Variants in DLGAP1 observed in about 807,000 individuals in gnomAD.
DLGAP1 encodes the protein disks large-associated protein 1.
In DLGAP1, 11 loss-of-function variants were observed where a neutral mutation model predicts 90.8. That is an observed-to-expected ratio of 0.12 (90% CI 0.08 to 0.20). The LOEUF (loss-of-function observed/expected upper bound fraction) is 0.20, where lower values mean the gene tolerates loss of function less well. DLGAP1 is among the 10% of genes least tolerant of loss of function. The probability of loss-of-function intolerance (pLI) is 1.00; values close to 1 mark genes in which losing one functional copy is unlikely to be tolerated. For missense variants in DLGAP1, 1,050 were observed against 1,333.8 expected (o/e 0.79, Z 3.31); for synonymous variants, 558 against 540.7 (o/e 1.03, Z -0.44).
At chr18:4,241,130 T>G (rs1344809803) in intron 1 of DLGAP1, among the ~76,000 whole-genome samples, 1 of 152,238 alleles carries the variant, frequency 6.6e-6, no homozygotes, top group Non-Finnish European at 1.5e-5. Context: ...ACATCTTTTA[T>G]CACTGCACAA....
intron 2 of DLGAP1, among the ~76,000 whole-genome samples, chr18:4,061,173 A>C (rs556288605): frequency 6.6e-6 from 1 of 152,352 alleles, no homozygotes; most frequent in African/African-American, 2.4e-5. Context: ...AAGAGTTAAC[A>C]GTGTAACATG....
At chr18:3,822,535 TTAAG>T (rs1260825840) in intron 4 of DLGAP1, among the ~76,000 whole-genome samples, 2 of 152,138 alleles carry the variant, frequency 1.3e-5, no homozygotes, top group Non-Finnish European at 2.9e-5. Context: ...AAGAGCAGCT[TTAAG>T]TAAGTCAAGC....
At position 4,148,274 on chromosome 18, in the gene DLGAP1, A is replaced by G. The variant is rs575543285; in HGVS notation, c.-159+2906T>C. ...AAAATCACAGCCCTTACATTTCTAC[A>G]CAATGGGCTAGGCCACTGGTAAGTG... On this transcript the variant is annotated intron_variant, in intron 2 of 12. Transcript: ENST00000315677. Among the ~76,000 whole-genome samples, 9 of 152,360 alleles carry G rather than the reference A, an allele frequency of 5.9e-5. No homozygotes were observed. In the South Asian group the frequency reaches 1.9e-3, roughly 32 times the overall value.
chr18:3,830,092 C>T (rs113674587), intron 4 of DLGAP1, among the ~76,000 whole-genome samples: 10 of 152,320 alleles, frequency 6.6e-5, no homozygotes, highest in Middle Eastern at 3.4e-3. Context: ...CCCACAAAGG[C>T]CATGTAAGCA....
chr18:3,591,920 CAG>C (rs980962002), intron 7 of DLGAP1, among the ~76,000 whole-genome samples: 3 of 152,060 alleles, frequency 2.0e-5, no homozygotes, highest in African/African-American at 7.2e-5. Flanking sequence ...GACCTCATAA[CAG>C]AGGGAGTTCT....
intron 1 of DLGAP1, among the ~76,000 whole-genome samples, chr18:4,182,196 C>T (rs918076967): frequency 3.9e-5 from 6 of 152,104 alleles, no homozygotes; most frequent in African/African-American, 1.4e-4. Flanking sequence ...CCAAATGTGC[C>T]TCTTTGGCAG....
intron 4 of DLGAP1, among the ~76,000 whole-genome samples, chr18:3,877,770 TA>T (rs2071041082): frequency 6.6e-6 from 1 of 152,222 alleles, no homozygotes. Flanking sequence ...TTTCATATGC[TA>T]AGTGGATTAA....
Position 3,756,203 on chromosome 18 carries a change from C to T in DLGAP1, c.1173-13691G>A, listed in dbSNP as rs536600076. 3.4e-4 allele frequency among the ~76,000 whole-genome samples: 52 copies of T among 152,148 alleles called. 1 individual carries two copies. Among genetic ancestry groups the T allele is most frequent in the African/African-American group, 1.1e-3 (46 of 41,516 alleles). The stretch of plus-strand genomic sequence containing the variant: ...TAGCTGGGACTACAGGTGCCCACCA[C>T]GATGCCCGGCTAATCTTTTGTATTT... On this transcript the variant is annotated intron_variant, in intron 5 of 12. Coordinates refer to ENST00000315677, the MANE Select transcript of DLGAP1 (RefSeq NM_004746.4).
chr18:4,025,586 T>C (rs1303104817), intron 2 of DLGAP1, among the ~76,000 whole-genome samples: 1 of 152,180 alleles, frequency 6.6e-6, no homozygotes, highest in Non-Finnish European at 1.5e-5. Flanking sequence ...TTTCTGACTC[T>C]AAAGGCCCTT....
chr18:3,880,155 A>G lies in DLGAP1; in HGVS notation c.-72-15T>C, dbSNP rs149485021. 2.9e-4 allele frequency: 352 copies of G among 1,228,872 alleles called. No individual in the cohort carries two copies. The East Asian group carries it at 7.3e-3, about 25-fold the overall frequency. 76.1% of individuals were successfully genotyped at this position (1,228,872 alleles called of 1,614,324 possible). A position where few individuals can be genotyped will look rare whatever the true frequency, so the allele number is the denominator to read the frequency against. On this transcript the variant is annotated splice_polypyrimidine_tract_variant and intron_variant, in intron 3 of 12. Coordinates refer to ENST00000315677, the MANE Select transcript of DLGAP1 (RefSeq NM_004746.4). ...TGGGCAGGGATCTGGGGGAATGAAG[A>G]AAAGGGCAAAGTCGTTAACATTTCT...
At chr18:3,732,258 A>C (rs2062461912) in intron 6 of DLGAP1, among the ~76,000 whole-genome samples, 1 of 152,236 alleles carries the variant, frequency 6.6e-6, no homozygotes, top group South Asian at 2.1e-4. Flanking sequence ...TCTTTTTGGC[A>C]AGGCTAGAGG....
At chr18:3,906,844 A>T (rs1348231785) in intron 3 of DLGAP1, among the ~76,000 whole-genome samples, 5 of 152,258 alleles carry the variant, frequency 3.3e-5, no homozygotes, top group Non-Finnish European at 7.3e-5. Flanking sequence ...TACGCAAGAA[A>T]GAGAACTTGG....
intron 3 of DLGAP1, among the ~76,000 whole-genome samples, chr18:3,888,621 A>G (rs1279799914): frequency 6.6e-6 from 1 of 152,144 alleles, no homozygotes; most frequent in East Asian, 1.9e-4. Context: ...CAGCACAATT[A>G]CAATCACCTG....
At chr18:3,764,784 T>C (rs2064140639) in intron 5 of DLGAP1, among the ~76,000 whole-genome samples, 2 of 152,200 alleles carry the variant, frequency 1.3e-5, no homozygotes, top group Admixed American at 6.5e-5. Flanking sequence ...TGCAATCATA[T>C]CTGGGTTCCT....
chr18:4,191,131 T>G (rs1031781584), intron 1 of DLGAP1, among the ~76,000 whole-genome samples: 1 of 152,130 alleles, frequency 6.6e-6, no homozygotes, highest in Non-Finnish European at 1.5e-5. Context: ...CTTTAAACAA[T>G]CATTTTGCTA....
At chr18:4,185,417 G>A (rs552863790) in intron 1 of DLGAP1, among the ~76,000 whole-genome samples, 5 of 151,822 alleles carry the variant, frequency 3.3e-5, no homozygotes, top group African/African-American at 9.7e-5. Context: ...TCCAACCCTC[G>A]ACTCCCAAGT....
intron 1 of DLGAP1, among the ~76,000 whole-genome samples, chr18:4,201,940 G>T (rs2144813305): frequency 6.6e-6 from 1 of 152,218 alleles, no homozygotes; most frequent in South Asian, 2.1e-4. Flanking sequence ...ACGGAAAGTA[G>T]ATCTACCATT....
intron 7 of DLGAP1, among the ~76,000 whole-genome samples, chr18:3,717,743 CAATT>C (rs1403863426): frequency 6.6e-6 from 1 of 152,180 alleles, no homozygotes; most frequent in Non-Finnish European, 1.5e-5. Flanking sequence ...TCTCACCTCT[CAATT>C]AACAGATATT....
intron 5 of DLGAP1, among the ~76,000 whole-genome samples, chr18:3,808,879 C>A (rs188361220): frequency 5.9e-5 from 9 of 152,090 alleles, no homozygotes; most frequent in Admixed American, 6.6e-5. Context: ...GGGCTCCTCA[C>A]GTAGAAATCA....
Sources: allele counts gnomAD v4.1 joint callset (sites outside exome capture counted in the v4.1 genomes callset), GRCh38; gene constraint gnomAD v4.1.1; transcripts MANE v1.5; gene names NCBI Gene and HGNC (gene_info 2026-07-23, HGNC 2026-07-21).